REDIC1: variants seen among roughly 807,000 people sequenced by gnomAD.
REDIC1 encodes regulator of DNA class I crossover intermediates 1.
chr12:39,626,589 G>T, the REDIC1 span, among the ~76,000 whole-genome samples: 1 of 152,136 alleles, frequency 6.6e-6, no homozygotes, highest in African/African-American at 2.4e-5. Flanking sequence ...ACCTGTGGGG[G>T]CCACTGTGAG....
chr12:39,771,696 C>G, the REDIC1 span, among the ~76,000 whole-genome samples: 2 of 152,032 alleles, frequency 1.3e-5, no homozygotes, highest in African/African-American at 4.8e-5. Flanking sequence ...TCCTGATTTT[C>G]CTGCTCCTAT....
At chr12:39,713,109 A>T in the REDIC1 span, among the ~76,000 whole-genome samples, 15 of 149,220 alleles carry the variant, frequency 1.0e-4, no homozygotes, top group East Asian at 2.8e-3. Context: ...GCATATACGT[A>T]TATATGTAGA....
At chr12:39,746,744 C>CA in the REDIC1 span, among the ~76,000 whole-genome samples, 1 of 152,228 alleles carries the variant, frequency 6.6e-6, no homozygotes, top group African/African-American at 2.4e-5. Context: ...GAGGAATGAT[C>CA]AGGCAGCAGC....
the REDIC1 span, among the ~76,000 whole-genome samples, chr12:39,767,359 CTATGCTGTAAATA>C: frequency 6.7e-6 from 1 of 150,274 alleles, no homozygotes; most frequent in Non-Finnish European, 1.5e-5. Flanking sequence ...ATTCTCCAAA[CTATGCTGTAAATA>C]TAAGTGCTGT....
chr12:39,713,931 A>T, the REDIC1 span, among the ~76,000 whole-genome samples: 1 of 148,352 alleles, frequency 6.7e-6, no homozygotes, highest in Non-Finnish European at 1.5e-5. Context: ...ATATTAAATT[A>T]TGTGCATATA....
chr12:39,823,777 T>A, the REDIC1 span, among the ~76,000 whole-genome samples: 1 of 152,238 alleles, frequency 6.6e-6, no homozygotes, highest in East Asian at 1.9e-4. Flanking sequence ...GAAGTGTTTT[T>A]CACAAAGTAT....
chr12:39,685,011 T>A, the REDIC1 span: 7 of 935,596 alleles, frequency 7.5e-6, no homozygotes, highest in East Asian at 1.8e-4. Flanking sequence ...TTCACTTTGA[T>A]TTAAGCTTAA....
chr12:39,677,315 A>T, the REDIC1 span, among the ~76,000 whole-genome samples: 1 of 152,128 alleles, frequency 6.6e-6, no homozygotes, highest in South Asian at 2.1e-4. Flanking sequence ...TACAAAACAG[A>T]CTTTAAAGCA....
the REDIC1 span, among the ~76,000 whole-genome samples, chr12:39,818,083 A>G: frequency 3.3e-5 from 5 of 152,150 alleles, no homozygotes; most frequent in Admixed American, 3.3e-4. Context: ...GCATTCTTAC[A>G]CTGCCAGAGA....
chr12:39,665,044 T>G, the REDIC1 span, among the ~76,000 whole-genome samples: 3 of 152,240 alleles, frequency 2.0e-5, no homozygotes, highest in Non-Finnish European at 4.4e-5. Flanking sequence ...CTGATCATAG[T>G]TTCTTTTGCT....
At chr12:39,830,357 T>C in the REDIC1 span, 2 of 1,448,214 alleles carry the variant, frequency 1.4e-6, no homozygotes, top group Non-Finnish European at 1.8e-6. Flanking sequence ...GGACTTGTTT[T>C]GGCCAAGGAA....
chr12:39,775,555 A>G, the REDIC1 span, among the ~76,000 whole-genome samples: 1 of 152,236 alleles, frequency 6.6e-6, no homozygotes, highest in Non-Finnish European at 1.5e-5. Context: ...TTAATTCATA[A>G]GAAAATACTT....
chr12:39,714,020 T>C, the REDIC1 span, among the ~76,000 whole-genome samples: 1 of 147,622 alleles, frequency 6.8e-6, no homozygotes, highest in Non-Finnish European at 1.5e-5. Context: ...TATACGTTTA[T>C]ATAAGTATAT....
the REDIC1 span, among the ~76,000 whole-genome samples, chr12:39,857,970 A>T: frequency 6.6e-6 from 1 of 152,194 alleles, no homozygotes; most frequent in Non-Finnish European, 1.5e-5. Flanking sequence ...AAACAAAACA[A>T]AACAAAAAAC....
the REDIC1 span, among the ~76,000 whole-genome samples, chr12:39,769,656 G>A: frequency 5.9e-5 from 9 of 151,796 alleles, no homozygotes; most frequent in South Asian, 2.1e-4. Context: ...CTGGGGTCAC[G>A]TTCCATCAAT....
the REDIC1 span, among the ~76,000 whole-genome samples, chr12:39,811,560 T>C: frequency 1.3e-5 from 2 of 152,192 alleles, no homozygotes; most frequent in African/African-American, 4.8e-5. Context: ...TGTCCTTTTT[T>C]ACAGCATGGG....
chr12:39,658,174 G>T, the REDIC1 span, among the ~76,000 whole-genome samples: 1 of 151,748 alleles, frequency 6.6e-6, no homozygotes, highest in African/African-American at 2.4e-5. Context: ...TCTGCCTCCC[G>T]GGTTCAAGTG....
the REDIC1 span, among the ~76,000 whole-genome samples, chr12:39,651,815 T>A: frequency 1.3e-5 from 2 of 152,174 alleles, no homozygotes; most frequent in African/African-American, 4.8e-5. Flanking sequence ...TTTGACAATG[T>A]CAAAGATAAT....
chr12:39,642,679 C>A, the REDIC1 span, among the ~76,000 whole-genome samples: 1 of 151,794 alleles, frequency 6.6e-6, no homozygotes, highest in Non-Finnish European at 1.5e-5. Context: ...TATTTACATC[C>A]TGAAGATCCT....
Sources: allele counts gnomAD v4.1 joint callset (sites outside exome capture counted in the v4.1 genomes callset), GRCh38; gene constraint gnomAD v4.1.1; transcripts MANE v1.5; gene names NCBI Gene and HGNC (gene_info 2026-07-23, HGNC 2026-07-21).